Variants in APOL3 observed in about 807,000 individuals in gnomAD.
APOL3 encodes the protein TNF-inducible protein CG12-1.
In APOL3, 14 loss-of-function variants were observed where a neutral mutation model predicts 11.6. The ratio of observed to expected loss-of-function variants is 1.21; its 90% CI spans 0.80 to 1.89. APOL3 has a LOEUF of 1.89. Ranked by LOEUF, APOL3 falls within the 40% of genes most tolerant of loss-of-function variation. The pLI, the probability that APOL3 is intolerant of heterozygous loss-of-function variation, is 0.00. For missense variants in APOL3, 483 were observed against 492.1 expected (o/e 0.98, Z 0.17); for synonymous variants, 192 against 190.6 (o/e 1.01, Z -0.06).
chr22:36,151,001 G>A (rs1410608883), intron 1 of APOL3, among the ~76,000 whole-genome samples: 1 of 152,176 alleles, frequency 6.6e-6, no homozygotes, highest in Non-Finnish European at 1.5e-5. Context: ...GGGGTAAAGG[G>A]ATCTGCAATC....
rs370638907 is a variant in APOL3, at chr22:36,142,090, G to C, written c.351-32C>G. 4 of 1,557,732 alleles carry C rather than the reference G, an allele frequency of 2.6e-6. No homozygotes were observed. In the African/African-American group the frequency reaches 4.1e-5, roughly 16 times the overall value. ...CAATAAAGGACAGATGATTAAGAAA[G>C]GCAGCTTACTTATCTGTAAAATCAG... On this transcript the variant is annotated intron_variant, in intron 2 of 2. Coordinates refer to ENST00000349314, the Ensembl canonical transcript of APOL3.
In APOL3 at chr22:36,142,067, A is replaced by G. The variant is rs2060017771; in HGVS notation, c.351-9T>C. 1 of 1,590,274 alleles carries G rather than the reference A, an allele frequency of 6.3e-7. No homozygotes were observed. On this transcript the variant is annotated splice_polypyrimidine_tract_variant and intron_variant, in intron 2 of 2. Transcript: ENST00000349314. Reference sequence around the variant, plus strand: ...GAGCATCTGCCTCATCCCTGTACCAATAAAGGACAGATGATTAAGAAAGGC... The same window carrying G: ...GAGCATCTGCCTCATCCCTGTACCAGTAAAGGACAGATGATTAAGAAAGGC...
intron 1 of APOL3, among the ~76,000 whole-genome samples, chr22:36,155,377 T>C (rs1466678737): frequency 6.6e-6 from 1 of 152,158 alleles, no homozygotes. Flanking sequence ...CTCAAGGTCA[T>C]GTGTAGAAGC....
upstream of APOL3, among the ~76,000 whole-genome samples, chr22:36,161,766 G>T (rs527475681): frequency 1.4e-5 from 2 of 141,828 alleles, no homozygotes; most frequent in South Asian, 4.6e-4. Context: ...TAGGAAGAAG[G>T]GGTCAGGGGG....
intron 2 of APOL3, among the ~76,000 whole-genome samples, chr22:36,145,009 C>CAAAAAAAAA (rs1312228074): frequency 6.3e-4 from 24 of 37,886 alleles, no homozygotes; most frequent in Non-Finnish European, 1.0e-3. Context: ...GACTCTGTCT[C>CAAAAAAAAA]AAAAAAAAAA....
chr22:36,160,360 T>A (rs1263046757), intron 1 of APOL3, among the ~76,000 whole-genome samples: 2 of 152,170 alleles, frequency 1.3e-5, no homozygotes, highest in African/African-American at 2.4e-5. Flanking sequence ...AGTCCCAACA[T>A]CTGCCTTCCT....
intron 1 of APOL3, among the ~76,000 whole-genome samples, chr22:36,157,269 C>G (rs552109035): frequency 7.2e-5 from 11 of 152,330 alleles, no homozygotes; most frequent in African/African-American, 2.6e-4. Context: ...GTCCATGACA[C>G]TCTTATGCAG....
intron 1 of APOL3, among the ~76,000 whole-genome samples, chr22:36,157,667 G>A (rs1288417952): frequency 6.6e-6 from 1 of 152,168 alleles, no homozygotes; most frequent in African/African-American, 2.4e-5. Context: ...GAAAGAATAG[G>A]AAGCACGGTT....
intron 2 of APOL3, among the ~76,000 whole-genome samples, chr22:36,144,662 G>C (rs1203930096): frequency 2.0e-5 from 3 of 152,136 alleles, no homozygotes. Flanking sequence ...CATTGATCAG[G>C]TCAAGATTTT....
chr22:36,148,682 C>A (rs2060309293), intron 1 of APOL3, among the ~76,000 whole-genome samples: 1 of 152,188 alleles, frequency 6.6e-6, no homozygotes, highest in South Asian at 2.1e-4. Context: ...GAGGTCGGGA[C>A]TGCTGGTCAA....
At chr22:36,145,361 T>C (rs2146764881) in intron 2 of APOL3, 112 bp downstream of exon 3, 2 of 1,375,690 alleles carry the variant, frequency 1.5e-6, no homozygotes, top group Non-Finnish European at 2.0e-6. Context: ...CATTCTCAAG[T>C]TCAGCAGAGG....
intron 2 of APOL3, among the ~76,000 whole-genome samples, chr22:36,142,627 G>C (rs545506775): frequency 6.6e-6 from 1 of 152,214 alleles, no homozygotes; most frequent in South Asian, 2.1e-4. Flanking sequence ...GGGCTATTAC[G>C]TATCTTTTCT....
At chr22:36,143,929 C>G (rs1255772434) in intron 2 of APOL3, among the ~76,000 whole-genome samples, 2 of 152,184 alleles carry the variant, frequency 1.3e-5, no homozygotes, top group African/African-American at 4.8e-5. Flanking sequence ...GTGTTTTTCT[C>G]TTTGGTTGGG....
chr22:36,162,629 T>C (rs2013760711), upstream of APOL3, among the ~76,000 whole-genome samples: 1 of 152,224 alleles, frequency 6.6e-6, no homozygotes, highest in Non-Finnish European at 1.5e-5. Context: ...ATTAGCCCAC[T>C]GTCCCTCTGA....
intron 1 of APOL3, among the ~76,000 whole-genome samples, chr22:36,146,648 C>T (rs2060232065): frequency 6.6e-6 from 1 of 151,918 alleles, no homozygotes; most frequent in African/African-American, 2.4e-5. Flanking sequence ...CAATCTGTGT[C>T]AATATGACAC....
At chr22:36,146,939 A>C (rs760797027) in intron 1 of APOL3, among the ~76,000 whole-genome samples, 4 of 152,122 alleles carry the variant, frequency 2.6e-5, no homozygotes, top group Non-Finnish European at 5.9e-5. Context: ...CTGGGACATG[A>C]GGTAAAATCG....
chr22:36,159,267 G>A (rs964475829), intron 1 of APOL3: 1 of 152,092 alleles, frequency 6.6e-6, no homozygotes, highest in Non-Finnish European at 1.5e-5. Flanking sequence ...CACCCCAGAT[G>A]GGGTCAGCAG....
At chr22:36,160,256 G>T (rs1362349466) in intron 1 of APOL3, among the ~76,000 whole-genome samples, 1 of 152,120 alleles carries the variant, frequency 6.6e-6, no homozygotes, top group Non-Finnish European at 1.5e-5. Context: ...GCCAGCCTCA[G>T]GGTGGCCAGG....
intron 1 of APOL3, chr22:36,154,571 G>A (rs1306734034): frequency 2.6e-5 from 12 of 469,002 alleles, no homozygotes; most frequent in Non-Finnish European, 4.4e-5. Flanking sequence ...AATGAAGGAA[G>A]AGCTGCCACA....
Sources: gnomAD v4.1 joint callset for allele counts (sites outside exome capture counted in the v4.1 genomes callset) on GRCh38, gnomAD v4.1.1 for gene constraint, MANE v1.5 for transcripts, NCBI Gene and HGNC (gene_info 2026-07-23, HGNC 2026-07-21) for gene names.